DIPK2A: variants seen among roughly 807,000 people sequenced by gnomAD.
DIPK2A encodes Golgi Protein of 49 kDa.
Under a neutral mutation model 39.0 loss-of-function variants are expected in DIPK2A, and 27 were observed. That is an observed-to-expected ratio of 0.69 (90% CI 0.51 to 0.96). The LOEUF (loss-of-function observed/expected upper bound fraction) is 0.96. DIPK2A is among the 40% of genes least tolerant of loss of function. The probability of loss-of-function intolerance (pLI) is 0.00; values close to 1 mark genes in which losing one functional copy is unlikely to be tolerated. For synonymous variants in DIPK2A, 298 were observed against 240.8 expected (o/e 1.24, Z -2.20); for missense variants, 528 against 571.3 (o/e 0.92, Z 0.77).
chr3:143,972,639 GGCC>G lies in DIPK2A; in HGVS notation c.315_317del (p.Arg106del). 6.2e-7 allele frequency: 1 copy of G among 1,611,272 alleles called. No individual in the cohort carries two copies. The stretch of plus-strand genomic sequence containing the variant: ...GCAGTACGGCGAGCCCCGCGAGGGC[GGCC>G]GCCGCCGAGTGGTGCTCAAGCGCCT... On this transcript the variant is annotated inframe_deletion, in exon 1 of 3. Coordinates refer to ENST00000315691, the MANE Select transcript of DIPK2A (RefSeq NM_173552.5).
rs2087982731 is a variant in DIPK2A at position 143,991,212 on chromosome 3, G to A, written c.*1371G>A. On this transcript the variant is annotated 3_prime_UTR_variant, in exon 3 of 3. Transcript: ENST00000315691. The stretch of plus-strand genomic sequence containing the variant: ...ACAGCAAAGTTTGATGTAGTGTGCA[G>A]TAGTGAGCTCTAGACTGATCTTTTT... 6.6e-6 allele frequency: 1 copy of A among 152,618 alleles called. No homozygotes were observed. The highest frequency in any genetic ancestry group is 6.5e-5 in the Admixed American group (1 of 15,282). 9.5% of individuals were successfully genotyped at this position (152,618 alleles called of 1,614,324 possible). A position where few individuals can be genotyped will look rare whatever the true frequency, so the allele number is the denominator to read the frequency against.
chr3:143,991,214 A>G lies in DIPK2A; in HGVS notation c.*1373A>G, dbSNP rs1214030436. On this transcript the variant is annotated 3_prime_UTR_variant, in exon 3 of 3. Transcript: ENST00000315691. ...AGCAAAGTTTGATGTAGTGTGCAGT[A>G]GTGAGCTCTAGACTGATCTTTTTCT... The G allele has an allele frequency of 1.3e-5, 2 of 152,642 alleles. No homozygotes were observed. The highest frequency in any genetic ancestry group is 2.4e-5 in the African/African-American group (1 of 41,464). 9.5% of individuals were successfully genotyped at this position (152,642 alleles called of 1,614,324 possible). A position where few individuals can be genotyped will look rare whatever the true frequency, so the allele number is the denominator to read the frequency against.
At position 143,972,247 on chromosome 3, in the gene DIPK2A, G is replaced by T. The variant is rs1443609884; in HGVS notation, c.-86G>T. 1.6e-6 allele frequency: 2 copies of T among 1,246,372 alleles called. No homozygotes were observed. Among genetic ancestry groups the T allele is most frequent in the Non-Finnish European group, 2.1e-6 (2 of 967,684 alleles). 77.2% of individuals were successfully genotyped at this position (1,246,372 alleles called of 1,614,324 possible). Reference sequence around the variant, plus strand: ...GCGCTAGCTCCTTCTCTCGCCCGGGGTTCCTGCCGGTAGCTCTCCGGGTCT... The same window carrying T: ...GCGCTAGCTCCTTCTCTCGCCCGGGTTTCCTGCCGGTAGCTCTCCGGGTCT... On this transcript the variant is annotated 5_prime_UTR_variant, in exon 1 of 3. Coordinates refer to ENST00000315691, the MANE Select transcript of DIPK2A (RefSeq NM_173552.5).
chr3:143,984,440 C>A (rs958079107), intron 1 of DIPK2A, among the ~76,000 whole-genome samples: 1 of 151,774 alleles, frequency 6.6e-6, no homozygotes, highest in Non-Finnish European at 1.5e-5. Context: ...ACTTAGAGGC[C>A]ATAGTAGGAT....
chr3:143,974,613 AAAT>A (rs1274840286), intron 1 of DIPK2A, among the ~76,000 whole-genome samples: 1 of 152,202 alleles, frequency 6.6e-6, no homozygotes. Context: ...ATACCCGGAC[AAAT>A]TCTCTGAGAC....
intron 1 of DIPK2A, 150 bp from the exon 2 acceptor site, chr3:143,985,393 A>G: frequency 4.4e-6 from 3 of 685,952 alleles, no homozygotes; most frequent in Non-Finnish European, 7.2e-6. Flanking sequence ...ATGAGTTAGG[A>G]AAAAATGAAG....
At chr3:143,976,819 T>C (rs756672450) in intron 1 of DIPK2A, among the ~76,000 whole-genome samples, 1 of 152,072 alleles carries the variant, frequency 6.6e-6, no homozygotes, top group Non-Finnish European at 1.5e-5. Context: ...GTTTTTAAGC[T>C]TGCTTTTCTA....
chr3:143,976,584 G>GAGAGAGAGAGAGAGAGAGAGAGA (rs3083098), intron 1 of DIPK2A, among the ~76,000 whole-genome samples: 8 of 139,508 alleles, frequency 5.7e-5, no homozygotes, highest in African/African-American at 1.4e-4. Context: ...GAGAGAGAGA[G>GAGAGAGAGAGAGAGAGAGAGAGA]ATGCTGTCTG....
chr3:143,978,687 T>TATATATATATCTATAG (rs2087784377), intron 1 of DIPK2A, among the ~76,000 whole-genome samples: 1 of 126,314 alleles, frequency 7.9e-6, no homozygotes, highest in African/African-American at 3.3e-5. Context: ...TATATCTATA[T>TATATATATATCTATAG]ATATATATAT....
intron 1 of DIPK2A, among the ~76,000 whole-genome samples, chr3:143,976,385 A>G (rs563678747): frequency 3.0e-4 from 46 of 152,068 alleles, no homozygotes; most frequent in African/African-American, 1.1e-3. Flanking sequence ...GGAGGAGAGG[A>G]ACTATGTTGA....
chr3:143,973,746 A>G (rs1172037736), intron 1 of DIPK2A: 1 of 606,240 alleles, frequency 1.6e-6, no homozygotes, highest in Admixed American at 2.9e-5. Context: ...GGCCAGGGCG[A>G]GTATCAGGGA....
At chr3:143,981,149 C>T (rs1319857741) in intron 1 of DIPK2A, among the ~76,000 whole-genome samples, 1 of 152,042 alleles carries the variant, frequency 6.6e-6, no homozygotes, top group Admixed American at 6.6e-5. Flanking sequence ...GGATATTGAT[C>T]AAAGGGTTAT....
At chr3:143,987,190 A>G (rs576283686) in intron 2 of DIPK2A, among the ~76,000 whole-genome samples, 13 of 152,244 alleles carry the variant, frequency 8.5e-5, no homozygotes, top group African/African-American at 2.6e-4. Context: ...AGCGTATACT[A>G]TTCTTTCTTT....
At position 143,990,221 on chromosome 3, in the gene DIPK2A, C is replaced by G. The variant is rs1029508494; in HGVS notation, c.*380C>G. On this transcript the variant is annotated 3_prime_UTR_variant, in exon 3 of 3. Transcript: ENST00000315691. ...CTATCATGATTTTGTGAATCTCTTG[C>G]ATTTACTTTGAATGTCAAGTCAGAT... The G allele has an allele frequency of 1.9e-5, 3 of 160,930 alleles. No homozygotes were observed. Among genetic ancestry groups the G allele is most frequent in the African/African-American group, 7.2e-5 (3 of 41,662 alleles). The allele number at this position is 160,930 out of a possible 1,614,324, so 10.0% of individuals were successfully genotyped here.
In DIPK2A at chr3:143,985,578, G is replaced by GT; in HGVS notation, c.694dup (p.Tyr232LeufsTer23). On this transcript the variant is annotated frameshift_variant, in exon 2 of 3. Coordinates refer to ENST00000315691, the MANE Select transcript of DIPK2A (RefSeq NM_173552.5). LOFTEE classifies it high-confidence loss of function. ...CTGATGAAGGTTGGCCATTTGCAAA[G>GT]TATCTTGGAGCTTGTGGAAGAATGG... 1 of 1,614,162 alleles carries GT rather than the reference G, an allele frequency of 6.2e-7. No individual in the cohort carries two copies. The highest frequency in any genetic ancestry group is 1.3e-5 in the African/African-American group (1 of 75,066).
Position 143,972,673 on chromosome 3 carries a change from C to T in DIPK2A, c.341C>T (p.Ser114Leu). The change falls in exon 1 of 3, where the codon TCG (serine) becomes TTG (leucine). Residue 114 changes from serine (S) to leucine (L), a missense_variant. By Grantham distance (145) the Ser-to-Leu change is moderately radical. Around this residue, in one of 2 missense-constraint regions of DIPK2A, gnomAD observed 309 missense variants for 289.8 expected, o/e 1.07. Coordinates refer to ENST00000315691, the MANE Select transcript of DIPK2A (RefSeq NM_173552.5). ...CGAGTGGTGCTCAAGCGCCTCGGCT[C>T]GCAGCGCGAGCTGGCGCAGCTCGAC... Reference protein sequence around the residue: ...RRRVVLKRLGSQRELAQLDQS... With the variant: ...RRRVVLKRLGLQRELAQLDQS... The T allele has an allele frequency of 1.2e-6, 2 of 1,608,946 alleles. No individual in the cohort carries two copies. The highest frequency in any genetic ancestry group is 2.2e-5 in the East Asian group (1 of 44,730).
intron 1 of DIPK2A, among the ~76,000 whole-genome samples, chr3:143,973,858 A>G (rs1157712388): frequency 2.6e-5 from 4 of 152,186 alleles, no homozygotes; most frequent in Non-Finnish European, 5.9e-5. Flanking sequence ...TTTACTGGTG[A>G]CATCAAAAAG....
rs2087950157 is a variant in DIPK2A, at chr3:143,989,537, A to T, written c.989A>T (p.Tyr330Phe). ...QNKPENWDVW[Y>F]ESKFDDCDKE... Reference sequence around the variant, plus strand: ...AAACCTGAAAATTGGGATGTATGGTATGAAAGCAAGTTTGATGACTGTGAT... The same window carrying T: ...AAACCTGAAAATTGGGATGTATGGTTTGAAAGCAAGTTTGATGACTGTGAT... Residue 330 changes from tyrosine (Y) to phenylalanine (F), a missense_variant, in exon 3 of 3, where the codon TAT (tyrosine) becomes TTT (phenylalanine). Around this residue, in one of 2 missense-constraint regions of DIPK2A, gnomAD observed 219 missense variants for 281.5 expected, o/e 0.78. Coordinates refer to ENST00000315691, the MANE Select transcript of DIPK2A (RefSeq NM_173552.5). The T allele has an allele frequency of 6.2e-7, 1 of 1,613,648 alleles. No individual in the cohort carries two copies. Among genetic ancestry groups the T allele is most frequent in the Non-Finnish European group, 8.5e-7 (1 of 1,179,564 alleles).
chr3:143,978,604 A>C (rs1454873603), intron 1 of DIPK2A: 14 of 35,582 alleles, frequency 3.9e-4, no homozygotes, highest in African/African-American at 3.8e-3. Context: ...CTATCTATCT[A>C]TATATATATA....
Sources: allele counts gnomAD v4.1 joint callset (sites outside exome capture counted in the v4.1 genomes callset), GRCh38; gene constraint gnomAD v4.1.1; regional missense constraint gnomAD v4.1.1; transcripts MANE v1.5; gene names NCBI Gene and HGNC (gene_info 2026-07-23, HGNC 2026-07-21).